TET2: variants seen among roughly 807,000 people sequenced by gnomAD.
TET2 encodes the protein methylcytosine dioxygenase TET2.
In TET2, 299 loss-of-function variants were observed where a neutral mutation model predicts 142.9. The observed-to-expected ratio is 2.09, with a 90% CI of 1.90 to 2.30. TET2 has a LOEUF of 2.30. TET2 is among the 30% of genes most tolerant of loss of function. The pLI is 0.00. For synonymous variants in TET2, 819 were observed against 849.0 expected (o/e 0.96, Z 0.61); for missense variants, 2,418 against 2,378.0 (o/e 1.02, Z -0.35).
intron 1 of TET2, among the ~76,000 whole-genome samples, chr4:105,158,872 T>A (rs1723694312): frequency 6.6e-6 from 1 of 152,004 alleles, no homozygotes; most frequent in South Asian, 2.1e-4. Flanking sequence ...TTCCTTGACA[T>A]CTGTATGCTC....
intron 1 of TET2, among the ~76,000 whole-genome samples, chr4:105,156,242 G>A (rs753569819): frequency 1.3e-5 from 2 of 152,196 alleles, no homozygotes; most frequent in Non-Finnish European, 2.9e-5. Flanking sequence ...CTTTTTATAA[G>A]TAATTTATAC....
chr4:105,267,818 T>C (rs1240364506), intron 8 of TET2, among the ~76,000 whole-genome samples: 1 of 151,970 alleles, frequency 6.6e-6, no homozygotes, highest in South Asian at 2.1e-4. Flanking sequence ...ATTAAAAAGA[T>C]ATTTTTAACA....
intron 2 of TET2, among the ~76,000 whole-genome samples, chr4:105,232,228 T>C (rs1728550417): frequency 6.6e-6 from 1 of 152,222 alleles, no homozygotes; most frequent in South Asian, 2.1e-4. Flanking sequence ...TAGTATTCCA[T>C]GGTGTATATG....
intron 6 of TET2, among the ~76,000 whole-genome samples, chr4:105,257,123 A>ATTGT (rs1224126770): frequency 6.6e-6 from 1 of 152,006 alleles, no homozygotes; most frequent in Non-Finnish European, 1.5e-5. Context: ...GTTTCTCTTA[A>ATTGT]TTGTTTAGAC....
Position 105,234,934 on chromosome 4 carries a change from T to TA in TET2, c.993dup (p.Cys332MetfsTer8). The TA allele has an allele frequency of 6.2e-7, 1 of 1,614,054 alleles. No individual in the cohort carries two copies. Among genetic ancestry groups the TA allele is most frequent in the Non-Finnish European group, 8.5e-7 (1 of 1,179,994 alleles). ...CAACAACAAAAATCAGTTTTTGAGA[T>TA]ATGCCCATCTCCTGCAGAAAATAAC... is the stretch of plus-strand genomic sequence containing the variant. On this transcript the variant is annotated frameshift_variant, in exon 3 of 11. Transcript: ENST00000380013. LOFTEE classifies it high-confidence loss of function.
chr4:105,235,718 TCAACC>T lies in TET2; in HGVS notation c.1780_1784del (p.Pro594SerfsTer42). 6.2e-7 allele frequency: 1 copy of T among 1,614,156 alleles called. No individual in the cohort carries two copies. Among genetic ancestry groups the T allele is most frequent in the Non-Finnish European group, 8.5e-7 (1 of 1,180,016 alleles). The stretch of plus-strand genomic sequence containing the variant: ...CATCACTGCCATCAATTCTTCAGTA[TCAACC>T]CAATCTCTCCAATCAAATGACCTCC... On this transcript the variant is annotated frameshift_variant, in exon 3 of 11. Transcript: ENST00000380013. LOFTEE classifies it high-confidence loss of function.
chr4:105,175,298 A>T (rs760549536), intron 1 of TET2, among the ~76,000 whole-genome samples: 14 of 152,190 alleles, frequency 9.2e-5, no homozygotes, highest in Non-Finnish European at 2.1e-4. Flanking sequence ...TTTATAAAAA[A>T]CTATGGTTAA....
intron 10 of TET2, among the ~76,000 whole-genome samples, chr4:105,274,563 G>A (rs1731107854): frequency 6.6e-6 from 1 of 152,016 alleles, no homozygotes; most frequent in African/African-American, 2.4e-5. Context: ...TTCCCATTTA[G>A]GAATTTACTT....
intron 1 of TET2, among the ~76,000 whole-genome samples, chr4:105,149,086 C>G (rs1455450938): frequency 6.6e-6 from 1 of 152,152 alleles, no homozygotes; most frequent in Non-Finnish European, 1.5e-5. Flanking sequence ...ACCATTAATG[C>G]TGTTCATGGT....
At chr4:105,243,862 G>A (rs1480650870) in intron 6 of TET2, 84 bp downstream of exon 6, 55 of 1,271,482 alleles carry the variant, frequency 4.3e-5, no homozygotes, top group Non-Finnish European at 5.4e-5. Context: ...AGAGTTCAGC[G>A]TGCACTTTTA....
rs1213844248 is a variant in TET2 at position 105,269,694 on chromosome 4, T to A, written c.4129T>A (p.Phe1377Ile). Reference sequence around the variant, plus strand: ...CTCAGGGGTCACTGCATGTTTGGACTTCTGTGCTCATGCCCACAGAGACTT... The same window carrying A: ...CTCAGGGGTCACTGCATGTTTGGACATCTGTGCTCATGCCCACAGAGACTT... ...PFSGVTACLDFCAHAHRDLHN... is the reference protein window; with the variant it reads ...PFSGVTACLDICAHAHRDLHN... The change falls in exon 9 of 11, where the codon TTC (phenylalanine) becomes ATC (isoleucine). Residue 1377 changes from phenylalanine to isoleucine, a missense_variant. Physicochemically the swap from Phe to Ile is conservative, Grantham distance 21 (BLOSUM62 0). Coordinates refer to ENST00000380013, the MANE Select transcript of TET2 (RefSeq NM_001127208.3). 6.4e-7 allele frequency: 1 copy of A among 1,551,656 alleles called. No homozygotes were observed. The highest frequency in any genetic ancestry group is 8.7e-7 in the Non-Finnish European group (1 of 1,146,938).
rs750410266 is a variant in TET2, at chr4:105,236,527, T to TG, written c.2586dup (p.His863AlafsTer9). The TG allele has an allele frequency of 2.5e-6, 4 of 1,614,064 alleles. No individual in the cohort carries two copies. Among genetic ancestry groups the TG allele is most frequent in the Non-Finnish European group, 2.5e-6 (3 of 1,180,000 alleles). On this transcript the variant is annotated frameshift_variant, in exon 3 of 11. Coordinates refer to ENST00000380013, the MANE Select transcript of TET2 (RefSeq NM_001127208.3). LOFTEE classifies it high-confidence loss of function. ...TTTGCAGGAAACAAGACCCAAAACT[T>TG]GCATCACATGCAATATTTTCCAAAT...
chr4:105,243,699 G>A lies in TET2; in HGVS notation c.3724G>A (p.Asp1242Asn), dbSNP rs2110255459. 6.4e-7 allele frequency: 1 copy of A among 1,551,592 alleles called. No individual in the cohort carries two copies. The highest frequency in any genetic ancestry group is 8.7e-7 in the Non-Finnish European group (1 of 1,146,950). Residue 1242 changes from aspartate to asparagine, a missense_variant, in exon 6 of 11, where the codon GAC becomes AAC. Asp to Asn is a conservative substitution (Grantham distance 23). Transcript: ENST00000380013. ...VWEGIPLSLA[D>N]KLYSELTETL... is the part of the protein sequence containing the mutation. ...GGAAGGAATCCCGCTGTCTCTGGCT[G>A]ACAAACTCTACTCGGAGCTTACCGA...
chr4:105,235,304 A>G lies in TET2; in HGVS notation c.1362A>G (p.Lys454=). 1 of 1,614,108 alleles carries G rather than the reference A, an allele frequency of 6.2e-7. No homozygotes were observed. The highest frequency in any genetic ancestry group is 2.2e-5 in the East Asian group (1 of 44,864). The change falls in exon 3 of 11, where the codon AAA becomes AAG. Residue 454 remains lysine, a synonymous_variant. Transcript: ENST00000380013. ...TLLREVKIEG[K]PEAPPSQSPN... is the part of the protein sequence containing the mutation. ...TAAGGGAAGTGAAAATAGAGGGTAA[A>G]CCTGAGGCACCACCTTCCCAGAGTC...
chr4:105,205,935 A>T (rs913138658), intron 2 of TET2, among the ~76,000 whole-genome samples: 3 of 152,130 alleles, frequency 2.0e-5, no homozygotes, highest in African/African-American at 7.2e-5. Context: ...CACCCAGCCG[A>T]AAACATTATC....
Position 105,236,108 on chromosome 4 carries a change from G to A in TET2, c.2166G>A (p.Lys722=). 3 of 1,614,100 alleles carry A rather than the reference G, an allele frequency of 1.9e-6. No homozygotes were observed. The highest frequency in any genetic ancestry group is 1.3e-5 in the African/African-American group (1 of 75,032). The change falls in exon 3 of 11, where the codon AAG becomes AAA. Residue 722 remains lysine, a synonymous_variant. Coordinates refer to ENST00000380013, the MANE Select transcript of TET2 (RefSeq NM_001127208.3). ...PFSNSHLLQH[K]PHKQAAQTQP... is the part of the protein sequence containing the mutation. Reference sequence around the variant, plus strand: ...CAAACTCACACCTTTTGCAACATAAGCCTCATAAACAGGCAGCACAAACAC... The same window carrying A: ...CAAACTCACACCTTTTGCAACATAAACCTCATAAACAGGCAGCACAAACAC...
intron 2 of TET2, among the ~76,000 whole-genome samples, chr4:105,212,806 A>T (rs1727250431): frequency 6.6e-6 from 1 of 152,122 alleles, no homozygotes; most frequent in South Asian, 2.1e-4. Flanking sequence ...CCTGGCCAAC[A>T]TGGTGAAACC....
At chr4:105,166,630 CAG>C (rs1553943116) in intron 1 of TET2, among the ~76,000 whole-genome samples, 8 of 150,848 alleles carry the variant, frequency 5.3e-5, no homozygotes, top group Middle Eastern at 3.4e-3. Context: ...GAAAAAAAAA[CAG>C]GGGTTTTTAC....
In TET2 at chr4:105,277,969, A is replaced by G. The variant is rs529126892; in HGVS notation, c.*1450A>G. 1 of 214,416 alleles carries G rather than the reference A, an allele frequency of 4.7e-6. No homozygotes were observed. Among genetic ancestry groups the G allele is most frequent in the African/African-American group, 2.3e-5 (1 of 44,300 alleles). 13.3% of individuals were successfully genotyped at this position (214,416 alleles called of 1,614,324 possible). A position where few individuals can be genotyped will look rare whatever the true frequency, so the allele number is the denominator to read the frequency against. The stretch of plus-strand genomic sequence containing the variant: ...GAGGATTGAGCAGACTGATGCCTGC[A>G]TAAGATGAATAAACAGGGTTAGTTC... On this transcript the variant is annotated 3_prime_UTR_variant, in exon 11 of 11. Coordinates refer to ENST00000380013, the MANE Select transcript of TET2 (RefSeq NM_001127208.3).
Sources: allele counts gnomAD v4.1 joint callset (sites outside exome capture counted in the v4.1 genomes callset), GRCh38; gene constraint gnomAD v4.1.1; transcripts MANE v1.5; gene names NCBI Gene and HGNC (gene_info 2026-07-23, HGNC 2026-07-21).